PLXDC2: variants seen among roughly 807,000 people sequenced by gnomAD.
PLXDC2 encodes plexin domain containing 2.
Under a neutral mutation model 68.9 loss-of-function variants are expected in PLXDC2, and 40 were observed. The ratio of observed to expected loss-of-function variants is 0.58; its 90% CI spans 0.45 to 0.76. PLXDC2 has a LOEUF of 0.76. Ranked by LOEUF, PLXDC2 falls within the 30% of genes least tolerant of loss-of-function variation. PLXDC2 has a pLI of 0.00. For missense variants in PLXDC2, 644 were observed against 661.9 expected (o/e 0.97, Z 0.30); for synonymous variants, 243 against 234.2 (o/e 1.04, Z -0.34).
intron 1 of PLXDC2, among the ~76,000 whole-genome samples, chr10:19,951,611 ACAG>A: frequency 1.3e-5 from 2 of 152,182 alleles, no homozygotes; most frequent in Non-Finnish European, 2.9e-5. Context: ...TGAACTTAAA[ACAG>A]AACTATCATT....
intron 4 of PLXDC2, among the ~76,000 whole-genome samples, chr10:20,075,651 G>C (rs1402709560): frequency 1.3e-5 from 2 of 152,128 alleles, no homozygotes; most frequent in Non-Finnish European, 2.9e-5. Context: ...AAGCACCCAG[G>C]AGCAAGAGTT....
chr10:19,937,189 T>C (rs1833739132), intron 1 of PLXDC2, among the ~76,000 whole-genome samples: 1 of 152,148 alleles, frequency 6.6e-6, no homozygotes, highest in Non-Finnish European at 1.5e-5. Flanking sequence ...AAGTGTTACA[T>C]TAATCTGCAT....
At chr10:19,954,797 C>T (rs910242991) in intron 1 of PLXDC2, among the ~76,000 whole-genome samples, 5 of 152,140 alleles carry the variant, frequency 3.3e-5, no homozygotes, top group Non-Finnish European at 2.9e-5. Flanking sequence ...ATTTCTGTCA[C>T]AATTTAAGCA....
At chr10:19,882,641 G>T (rs371606459) in intron 1 of PLXDC2, among the ~76,000 whole-genome samples, 1 of 152,142 alleles carries the variant, frequency 6.6e-6, no homozygotes, top group East Asian at 1.9e-4. Flanking sequence ...GAAAGGTTTC[G>T]AGGGACAAAT....
At chr10:19,923,905 A>G (rs1833500129) in intron 1 of PLXDC2, among the ~76,000 whole-genome samples, 1 of 152,160 alleles carries the variant, frequency 6.6e-6, no homozygotes, top group African/African-American at 2.4e-5. Flanking sequence ...GGCTACAAAA[A>G]AATACAAAAA....
intron 9 of PLXDC2, among the ~76,000 whole-genome samples, chr10:20,189,869 T>C (rs969196020): frequency 6.6e-5 from 10 of 151,766 alleles, no homozygotes; most frequent in Non-Finnish European, 1.2e-4. Context: ...TACCAGTCTT[T>C]AATGAGGGAC....
chr10:20,082,621 A>T (rs1409625108), intron 4 of PLXDC2, among the ~76,000 whole-genome samples: 1 of 152,218 alleles, frequency 6.6e-6, no homozygotes, highest in East Asian at 1.9e-4. Flanking sequence ...GAAACTCTCA[A>T]GCTTTGCTGA....
chr10:20,105,478 C>T (rs1833479915), intron 4 of PLXDC2, among the ~76,000 whole-genome samples: 1 of 123,486 alleles, frequency 8.1e-6, no homozygotes, highest in Admixed American at 7.1e-5. Flanking sequence ...CATTAAAAAG[C>T]AAATATTTGT....
chr10:20,074,924 T>C (rs1836413640), intron 4 of PLXDC2, among the ~76,000 whole-genome samples: 3 of 152,198 alleles, frequency 2.0e-5, no homozygotes, highest in Non-Finnish European at 2.9e-5. Flanking sequence ...CTATGTGTTA[T>C]GGAAGATACT....
At chr10:19,908,229 T>C (rs1270615942) in intron 1 of PLXDC2, among the ~76,000 whole-genome samples, 1 of 152,196 alleles carries the variant, frequency 6.6e-6, no homozygotes, top group East Asian at 1.9e-4. Flanking sequence ...CTTTCACTAA[T>C]CAATTTCTTA....
At chr10:19,847,753 A>G (rs1356936801) in intron 1 of PLXDC2, among the ~76,000 whole-genome samples, 1 of 152,176 alleles carries the variant, frequency 6.6e-6, no homozygotes, top group Non-Finnish European at 1.5e-5. Context: ...TAGGCAATTT[A>G]CGTGCATGAT....
chr10:19,944,952 C>G (rs1172355581), intron 1 of PLXDC2, among the ~76,000 whole-genome samples: 1 of 150,706 alleles, frequency 6.6e-6, no homozygotes, highest in Non-Finnish European at 1.5e-5. Flanking sequence ...AACTCCATCT[C>G]AAACAAAACA....
At chr10:19,972,953 A>C (rs961501658) in intron 1 of PLXDC2, among the ~76,000 whole-genome samples, 4 of 152,136 alleles carry the variant, frequency 2.6e-5, no homozygotes, top group African/African-American at 7.2e-5. Flanking sequence ...ATTGTATGTT[A>C]ACTTGTATTT....
At position 20,010,626 on chromosome 10, in the gene PLXDC2, T is replaced by C. The variant is rs139683339; in HGVS notation, c.324+8640T>C. Among the ~76,000 whole-genome samples the C allele has an allele frequency of 4.8e-3, 728 of 152,362 alleles. 6 individuals carry two copies. Among genetic ancestry groups the C allele is most frequent in the African/African-American group, 0.016 (681 of 41,592 alleles). On this transcript the variant is annotated intron_variant, in intron 2 of 13. Coordinates refer to ENST00000377252, the MANE Select transcript of PLXDC2 (RefSeq NM_032812.9). The stretch of plus-strand genomic sequence containing the variant: ...AGCTAATTGAGTTTACTTATAGTTA[T>C]GGCATGAAAATAGACTTTAGAATGA...
chr10:20,021,578 C>T (rs12761088), intron 2 of PLXDC2, among the ~76,000 whole-genome samples: 34,123 of 152,022 alleles, frequency 0.22, 4,749 homozygotes, highest in Non-Finnish European at 0.33. Flanking sequence ...CACAATAAGG[C>T]CACCCCCTCT....
rs1554766417 is a variant in PLXDC2, at chr10:20,098,346, C to CGCGTGT, written c.541+30108_541+30109insCGTGTG. On this transcript the variant is annotated intron_variant, in intron 4 of 13. Coordinates refer to ENST00000377252, the MANE Select transcript of PLXDC2 (RefSeq NM_032812.9). ...GCTCTGTCTTCCCGTCATTTTCGTG[C>CGCGTGT]GTGTGTGTGTATGTGTGTGTGTGTG... 1.9e-3 allele frequency among the ~76,000 whole-genome samples: 199 copies of CGCGTGT among 103,114 alleles called. 2 individuals are homozygous for CGCGTGT. The highest frequency in any genetic ancestry group is 5.8e-3 in the African/African-American group (175 of 30,094). The allele number at this position is 103,114 out of a possible 152,430, so 67.6% of individuals were successfully genotyped here. A position where few individuals can be genotyped will look rare whatever the true frequency, so the allele number is the denominator to read the frequency against.
chr10:20,086,892 C>G (rs564338376), intron 4 of PLXDC2, among the ~76,000 whole-genome samples: 17 of 152,150 alleles, frequency 1.1e-4, no homozygotes, highest in Non-Finnish European at 1.9e-4. Context: ...GTATTAAAAG[C>G]AATGTCTCTC....
chr10:19,989,812 T>A (rs1255566000), intron 1 of PLXDC2, among the ~76,000 whole-genome samples: 1 of 150,732 alleles, frequency 6.6e-6, no homozygotes, highest in Non-Finnish European at 1.5e-5. Flanking sequence ...TGCAGTGGTG[T>A]GATCTTGACT....
intron 1 of PLXDC2, among the ~76,000 whole-genome samples, chr10:19,909,449 A>G (rs1019614843): frequency 1.3e-5 from 2 of 152,326 alleles, no homozygotes; most frequent in African/African-American, 2.4e-5. Context: ...AAAAGCCAGC[A>G]TATATTTCAC....
Sources: gnomAD v4.1 joint callset for allele counts (sites outside exome capture counted in the v4.1 genomes callset) on GRCh38, gnomAD v4.1.1 for gene constraint, MANE v1.5 for transcripts, NCBI Gene and HGNC (gene_info 2026-07-23, HGNC 2026-07-21) for gene names.